CEP63: variants seen among roughly 807,000 people sequenced by gnomAD.
CEP63 encodes the protein centrosomal protein of 63 kDa.
Under a neutral mutation model 89.1 loss-of-function variants are expected in CEP63, and 84 were observed. The ratio of observed to expected loss-of-function variants is 0.94; its 90% CI spans 0.79 to 1.13. CEP63 has a LOEUF of 1.13. Among genes scored for constraint, CEP63 ranks in the 50% most tolerant of loss-of-function variants. The pLI is 0.00. For missense variants in CEP63, 838 were observed against 813.3 expected (o/e 1.03, Z -0.37); for synonymous variants, 267 against 272.5 (o/e 0.98, Z 0.20).
intron 12 of CEP63, among the ~76,000 whole-genome samples, chr3:134,557,601 A>G (rs1212457151): frequency 9.2e-5 from 14 of 151,954 alleles, no homozygotes. Context: ...AATTCCCACT[A>G]TATACTTGAA....
chr3:134,678,747 T>C, the CEP63 span, among the ~76,000 whole-genome samples: 1 of 152,172 alleles, frequency 6.6e-6, no homozygotes, highest in Non-Finnish European at 1.5e-5. Flanking sequence ...TCTAGGGACT[T>C]GACCCATACC....
chr3:134,529,060 G>C (rs1249122925), intron 3 of CEP63, among the ~76,000 whole-genome samples: 3 of 152,136 alleles, frequency 2.0e-5, no homozygotes, highest in African/African-American at 7.2e-5. Context: ...CCTTGAATCA[G>C]AGTTAATCTG....
the CEP63 span, among the ~76,000 whole-genome samples, chr3:134,617,383 C>G: frequency 6.6e-6 from 1 of 152,114 alleles, no homozygotes; most frequent in Non-Finnish European, 1.5e-5. Flanking sequence ...CTATATATGT[C>G]TATTGAGGGC....
the CEP63 span, among the ~76,000 whole-genome samples, chr3:134,758,807 T>G: frequency 2.0e-4 from 30 of 151,946 alleles, no homozygotes; most frequent in African/African-American, 6.8e-4. Flanking sequence ...TGTGGTACGC[T>G]AAATAATGGC....
At chr3:134,561,274 A>T in intron 14 of CEP63, 103 bp from the exon 15 acceptor site, 2 of 1,226,520 alleles carry the variant, frequency 1.6e-6, no homozygotes, top group Non-Finnish European at 2.4e-6. Context: ...AGAGGAAAAA[A>T]ATCACCTTTT....
At chr3:134,695,960 T>C in the CEP63 span, among the ~76,000 whole-genome samples, 3 of 152,210 alleles carry the variant, frequency 2.0e-5, no homozygotes, top group Admixed American at 6.5e-5. Flanking sequence ...GTAGAACAAC[T>C]TGCCTAAGGA....
the CEP63 span, among the ~76,000 whole-genome samples, chr3:134,681,230 C>T: frequency 1.3e-5 from 2 of 152,150 alleles, no homozygotes; most frequent in African/African-American, 2.4e-5. Flanking sequence ...CAGGTGGGAA[C>T]ATGTCACTTT....
chr3:134,507,044 T>G, intron 2 of CEP63, 65 bp from the exon 3 acceptor site: 1 of 1,244,694 alleles, frequency 8.0e-7, no homozygotes, highest in Non-Finnish European at 1.2e-6. Flanking sequence ...TATTTTTACA[T>G]GAAAAAGATG....
chr3:134,646,806 G>C, the CEP63 span, among the ~76,000 whole-genome samples: 1 of 152,096 alleles, frequency 6.6e-6, no homozygotes, highest in East Asian at 1.9e-4. Flanking sequence ...GAACCTTCAC[G>C]TGCCCACTGT....
the CEP63 span, among the ~76,000 whole-genome samples, chr3:134,646,698 C>A: frequency 3.3e-5 from 5 of 152,110 alleles, no homozygotes; most frequent in African/African-American, 1.2e-4. Flanking sequence ...TTTACACTGG[C>A]ATTTGATAAG....
At chr3:134,504,909 A>G (rs537823522) in intron 2 of CEP63, among the ~76,000 whole-genome samples, 7 of 152,092 alleles carry the variant, frequency 4.6e-5, no homozygotes, top group African/African-American at 1.2e-4. Context: ...TTGAAACTCA[A>G]TTGCATTTTT....
Position 134,545,572 on chromosome 3 carries a change from G to A in CEP63, c.556-14G>A, listed in dbSNP as rs781033914. ...TTTCCCTTTTACCTATTGATTGATA[G>A]TCTGTGTTTCTAGGCTCAGCTTGTC... On this transcript the variant is annotated splice_polypyrimidine_tract_variant and intron_variant, in intron 6 of 14. Transcript: ENST00000675561. 8.9e-6 allele frequency: 14 copies of A among 1,566,070 alleles called. No individual in the cohort carries two copies. Among genetic ancestry groups the A allele is most frequent in the Non-Finnish European group, 1.1e-5 (13 of 1,136,334 alleles).
chr3:134,773,775 GA>G, the CEP63 span, among the ~76,000 whole-genome samples: 1 of 151,984 alleles, frequency 6.6e-6, no homozygotes, highest in African/African-American at 2.4e-5. Flanking sequence ...GGCTCTGGAT[GA>G]AGGTGCATCC....
chr3:134,581,325 A>G (rs950139936), intron 10 of CEP63, among the ~76,000 whole-genome samples: 2 of 152,204 alleles, frequency 1.3e-5, no homozygotes, highest in Non-Finnish European at 2.9e-5. Flanking sequence ...TCACACCTGT[A>G]ATCCAAGCAC....
At chr3:134,510,586 T>C (rs950816345) in intron 3 of CEP63, 3 of 595,284 alleles carry the variant, frequency 5.0e-6, no homozygotes, top group Non-Finnish European at 9.2e-6. Context: ...GGGCACAACT[T>C]ACTGTCTTCA....
the CEP63 span, chr3:134,627,895 G>C: frequency 8.5e-7 from 1 of 1,173,544 alleles, no homozygotes; most frequent in East Asian, 2.3e-5. Context: ...TCACCTTCTG[G>C]TGGTCCTTGC....
the CEP63 span, among the ~76,000 whole-genome samples, chr3:134,761,047 C>CT: frequency 3.4e-3 from 519 of 151,826 alleles, 7 homozygotes; most frequent in African/African-American, 0.012. Flanking sequence ...GCTGAGGAAT[C>CT]TTTTTTGCTG....
the CEP63 span, among the ~76,000 whole-genome samples, chr3:134,701,310 ATATG>A: frequency 5.4e-5 from 1 of 18,584 alleles, no homozygotes; most frequent in Non-Finnish European, 1.1e-4. Flanking sequence ...ATATACGTAT[ATATG>A]TGTATATATA....
At chr3:134,712,678 C>T in the CEP63 span, among the ~76,000 whole-genome samples, 1 of 152,026 alleles carries the variant, frequency 6.6e-6, no homozygotes, top group Admixed American at 6.6e-5. Flanking sequence ...TGGCTTTTGC[C>T]ACTCCGGAGA....
Sources: gnomAD v4.1 joint callset for allele counts (sites outside exome capture counted in the v4.1 genomes callset) on GRCh38, gnomAD v4.1.1 for gene constraint, MANE v1.5 for transcripts, NCBI Gene and HGNC (gene_info 2026-07-23, HGNC 2026-07-21) for gene names.